CNTNAP2: variants seen among roughly 807,000 people sequenced by gnomAD.
The protein encoded by CNTNAP2 is contactin-associated protein-like 2.
A neutral mutation model predicts 155.2 loss-of-function variants in CNTNAP2; 98 were observed. The ratio of observed to expected loss-of-function variants is 0.63; its 90% CI spans 0.54 to 0.75. The LOEUF (loss-of-function observed/expected upper bound fraction) is 0.75. CNTNAP2 is among the 30% of genes least tolerant of loss of function. The pLI, the probability that CNTNAP2 is intolerant of heterozygous loss-of-function variation, is 0.00. For synonymous variants in CNTNAP2, 651 were observed against 631.2 expected (o/e 1.03, Z -0.47); for missense variants, 1,727 against 1,688.1 (o/e 1.02, Z -0.40).
At chr7:147,093,240 CAAAAAAAA>C (rs530286124) in intron 4 of CNTNAP2, among the ~76,000 whole-genome samples, 1 of 54,358 alleles carries the variant, frequency 1.8e-5, no homozygotes, top group Non-Finnish European at 4.4e-5. Context: ...GACTCCATCT[CAAAAAAAA>C]AAAAAAAAAA....
chr7:147,703,628 C>A (rs1354496956), intron 13 of CNTNAP2, among the ~76,000 whole-genome samples: 1 of 152,120 alleles, frequency 6.6e-6, no homozygotes, highest in African/African-American at 2.4e-5. Context: ...TATTTTGTTA[C>A]ATGCATAGAG....
At chr7:146,798,309 T>C (rs1002498368) in intron 2 of CNTNAP2, among the ~76,000 whole-genome samples, 4 of 151,950 alleles carry the variant, frequency 2.6e-5, no homozygotes, top group African/African-American at 9.7e-5. Flanking sequence ...TTTGTGGCAG[T>C]GTCTCAAACA....
chr7:147,753,557 G>T (rs1797170965), intron 13 of CNTNAP2, among the ~76,000 whole-genome samples: 1 of 152,194 alleles, frequency 6.6e-6, no homozygotes, highest in South Asian at 2.1e-4. Context: ...TGAGTTAATT[G>T]CCATGTCTAT....
chr7:147,008,048 C>T (rs1798556985), intron 3 of CNTNAP2, among the ~76,000 whole-genome samples: 1 of 152,100 alleles, frequency 6.6e-6, no homozygotes, highest in South Asian at 2.1e-4. Context: ...ACAATATTAT[C>T]CACTAAGGAA....
intron 1 of CNTNAP2, among the ~76,000 whole-genome samples, chr7:146,505,602 T>C (rs1235218272): frequency 6.6e-6 from 1 of 152,218 alleles, no homozygotes; most frequent in Non-Finnish European, 1.5e-5. Flanking sequence ...ATATATTAAG[T>C]ACCCAATGAG....
chr7:147,292,703 G>A (rs139509102), intron 8 of CNTNAP2, among the ~76,000 whole-genome samples: 7 of 152,202 alleles, frequency 4.6e-5, no homozygotes, highest in African/African-American at 7.2e-5. Flanking sequence ...TTGGGTGCCT[G>A]TAAGAAAAGA....
intron 17 of CNTNAP2, among the ~76,000 whole-genome samples, chr7:148,159,146 G>C (rs1805463295): frequency 6.6e-6 from 1 of 152,108 alleles, no homozygotes; most frequent in African/African-American, 2.4e-5. Context: ...AAGGCCCCCT[G>C]ATGTGCAGGA....
Position 148,188,511 on chromosome 7 carries a change from C to T in CNTNAP2, c.3010+16033C>T, listed in dbSNP as rs776119683. Among the ~76,000 whole-genome samples the T allele has an allele frequency of 2.0e-4, 30 of 152,198 alleles. 1 individual carries two copies. Among genetic ancestry groups the T allele is most frequent in the Non-Finnish European group, 4.3e-4 (29 of 68,040 alleles). On this transcript the variant is annotated intron_variant, in intron 18 of 23. Coordinates refer to ENST00000361727, the MANE Select transcript of CNTNAP2 (RefSeq NM_014141.6). ...ACAGACTGGAAGGAAGAAAGATACT[C>T]CTTTCTTTGCTGATCTTGCCTAAAG...
At chr7:148,405,420 ATTTTTTTTTTTT>A (rs36020816) in intron 22 of CNTNAP2, among the ~76,000 whole-genome samples, 2 of 64,284 alleles carry the variant, frequency 3.1e-5, no homozygotes, top group Non-Finnish European at 5.3e-5. Flanking sequence ...TACCATTGTA[ATTTTTTTTTTTT>A]TTTTTTTTTT....
chr7:147,752,741 T>C (rs1797155825), intron 13 of CNTNAP2, among the ~76,000 whole-genome samples: 1 of 152,210 alleles, frequency 6.6e-6, no homozygotes. Flanking sequence ...CATGCCTTTA[T>C]AAATGTTACA....
At chr7:147,229,379 G>A (rs982582079) in intron 8 of CNTNAP2, among the ~76,000 whole-genome samples, 24 of 152,202 alleles carry the variant, frequency 1.6e-4, no homozygotes, top group African/African-American at 5.5e-4. Flanking sequence ...GGATGTGGCA[G>A]TTGAGCAGAT....
At chr7:147,706,839 T>C (rs528549113) in intron 13 of CNTNAP2, among the ~76,000 whole-genome samples, 17 of 152,312 alleles carry the variant, frequency 1.1e-4, no homozygotes, top group African/African-American at 4.1e-4. Context: ...TTTAAAATTA[T>C]TTTTGTCTGG....
At chr7:147,238,821 T>G (rs1803875053) in intron 8 of CNTNAP2, among the ~76,000 whole-genome samples, 2 of 152,216 alleles carry the variant, frequency 1.3e-5, no homozygotes, top group African/African-American at 4.8e-5. Flanking sequence ...AATTTCCTGA[T>G]TAATAACAAT....
chr7:147,981,786 GGTGTGTGT>G (rs57272792), intron 15 of CNTNAP2, among the ~76,000 whole-genome samples: 7 of 143,732 alleles, frequency 4.9e-5, no homozygotes, highest in Non-Finnish European at 7.6e-5. Context: ...TGTCCTTACA[GGTGTGTGT>G]GTGTGTGTGT....
At chr7:146,146,136 C>A (rs1797955487) in intron 1 of CNTNAP2, among the ~76,000 whole-genome samples, 1 of 152,030 alleles carries the variant, frequency 6.6e-6, no homozygotes, top group South Asian at 2.1e-4. Context: ...ATTTTAAGAT[C>A]TCTGTAGTAA....
intron 4 of CNTNAP2, among the ~76,000 whole-genome samples, chr7:147,093,881 T>G (rs187428121): frequency 1.5e-4 from 23 of 152,186 alleles, no homozygotes; most frequent in Middle Eastern, 3.4e-3. Flanking sequence ...AGAATAGACA[T>G]TATCACTTTA....
rs968362520 is a variant in CNTNAP2 at position 147,817,698 on chromosome 7, T to C, written c.2099-85867T>C. Among the ~76,000 whole-genome samples the C allele has an allele frequency of 5.3e-5, 8 of 151,980 alleles. No individual in the cohort carries two copies. The East Asian group carries it at 1.2e-3, about 22-fold the overall frequency. ...GTGGGCGGATCACAAGGTCAGGAGA[T>C]CGAGACCATCCTGGCTAACATGGTG... On this transcript the variant is annotated intron_variant, in intron 13 of 23. Coordinates refer to ENST00000361727, the MANE Select transcript of CNTNAP2 (RefSeq NM_014141.6).
rs139983933 is a variant in CNTNAP2 at position 147,266,994 on chromosome 7, G to T, written c.1349-33147G>T. On this transcript the variant is annotated intron_variant, in intron 8 of 23. Coordinates refer to ENST00000361727, the MANE Select transcript of CNTNAP2 (RefSeq NM_014141.6). Reference sequence around the variant, plus strand: ...AATTAAAGCTACTTAACAGTAAGGGGCATGGAAGGCTACATATCAAACCCA... The same window carrying T: ...AATTAAAGCTACTTAACAGTAAGGGTCATGGAAGGCTACATATCAAACCCA... Among the ~76,000 whole-genome samples the T allele has an allele frequency of 3.0e-3, 457 of 151,552 alleles. 5 individuals are homozygous for T. The highest frequency in any genetic ancestry group is 0.01 in the African/African-American group (425 of 41,258).
intron 8 of CNTNAP2, among the ~76,000 whole-genome samples, chr7:147,226,336 T>C (rs1435422920): frequency 2.6e-5 from 4 of 152,136 alleles, no homozygotes; most frequent in Non-Finnish European, 5.9e-5. Context: ...TAAGAAACCA[T>C]TTCCTTCTTC....
Sources: gnomAD v4.1 joint callset for allele counts (sites outside exome capture counted in the v4.1 genomes callset) on GRCh38, gnomAD v4.1.1 for gene constraint, MANE v1.5 for transcripts, NCBI Gene and HGNC (gene_info 2026-07-23, HGNC 2026-07-21) for gene names.